The following SEMA4C variants were observed in gnomAD, a reference collection of about 807,000 sequenced individuals.
SEMA4C encodes semaphorin-4C.
In SEMA4C, 19 loss-of-function variants were observed where a neutral mutation model predicts 89.0. The observed-to-expected ratio is 0.21, with a 90% CI of 0.15 to 0.31. The LOEUF (loss-of-function observed/expected upper bound fraction) is 0.31, where lower values mean the gene tolerates loss of function less well. Among genes scored for constraint, SEMA4C ranks in the 10% least tolerant of loss-of-function variants. The pLI is 1.00. For synonymous variants in SEMA4C, 428 were observed against 472.7 expected (o/e 0.91, Z 1.23); for missense variants, 811 against 1,107.0 (o/e 0.73, Z 3.79).
At chr2:96,863,576 C>T (rs2080001159) in intron 12 of SEMA4C, 106 bp downstream of exon 12, 2 of 1,304,354 alleles carry the variant, frequency 1.5e-6, no homozygotes, top group Admixed American at 3.7e-5. Flanking sequence ...GTGTTCCTAA[C>T]TCTGCACTGG....
At chr2:96,868,785 C>G (rs2080141244) in intron 1 of SEMA4C, 1 of 985,172 alleles carries the variant, frequency 1.0e-6, no homozygotes, top group South Asian at 4.7e-5. Flanking sequence ...CCTCCCGGGC[C>G]GCTGGCAACG....
rs375749407 is a variant in SEMA4C, at chr2:96,860,276, G to A, written c.*350C>T. 1.6e-4 allele frequency: 41 copies of A among 250,214 alleles called. 1 individual carries two copies. Among genetic ancestry groups the A allele is most frequent in the East Asian group, 7.1e-4 (9 of 12,678 alleles). The allele number at this position is 250,214 out of a possible 1,614,324, so 15.5% of individuals were successfully genotyped here. ...GAAACAGGAAGGCTATGCCACAAGC[G>A]CGCACGCGCGTGCACACACACATAC... is the stretch of plus-strand genomic sequence containing the variant. On this transcript the variant is annotated 3_prime_UTR_variant, in exon 15 of 15. Coordinates refer to ENST00000305476, the MANE Select transcript of SEMA4C (RefSeq NM_017789.5).
At position 96,867,894 on chromosome 2, in the gene SEMA4C, G is replaced by T. The variant is rs202229296; in HGVS notation, c.-8C>A. The T allele has an allele frequency of 6.2e-7, 1 of 1,613,446 alleles. No homozygotes were observed. Among genetic ancestry groups the T allele is most frequent in the Admixed American group, 1.7e-5 (1 of 60,014 alleles). Reference sequence around the variant, plus strand: ...AGCCCAGTGTGGGGCCATGGCGCACGCCCCGGCTCTGAGCTTCAGGCCAGC... The same window carrying T: ...AGCCCAGTGTGGGGCCATGGCGCACTCCCCGGCTCTGAGCTTCAGGCCAGC... On this transcript the variant is annotated 5_prime_UTR_variant, in exon 2 of 15. Transcript: ENST00000305476.
chr2:96,869,346 C>A, intron 1 of SEMA4C: 1 of 985,336 alleles, frequency 1.0e-6, no homozygotes, highest in Non-Finnish European at 1.2e-6. Context: ...CCTCGCCCAC[C>A]CCGAGCGGCC....
rs1369039336 is a variant in SEMA4C at position 96,864,126 on chromosome 2, C to T, written c.1130G>A (p.Arg377His). The T allele has an allele frequency of 5.0e-6, 8 of 1,612,160 alleles. No homozygotes were observed. Among genetic ancestry groups the T allele is most frequent in the African/African-American group, 4.0e-5 (3 of 74,686 alleles). ...CTCCAGGGAGCTGGTGTAGCCGTGG[C>T]GCCGATGCCAGTTGTTAATGCACTG... is the stretch of plus-strand genomic sequence containing the variant. ...PGSCINNWHRRHGYTSSLELP... is the reference protein window; with the variant it reads ...PGSCINNWHRHHGYTSSLELP... The change falls in exon 11 of 15, where the codon CGC becomes CAC. Residue 377 changes from arginine (R) to histidine (H), a missense_variant. Coordinates refer to ENST00000305476, the MANE Select transcript of SEMA4C (RefSeq NM_017789.5). The surrounding 1 kb of genome is among the most constrained non-coding windows in gnomAD (Gnocchi z 6.3).
chr2:96,868,006 T>TG, intron 1 of SEMA4C, 83 bp from the exon 2 acceptor site: 1 of 1,536,054 alleles, frequency 6.5e-7, no homozygotes, highest in African/African-American at 1.4e-5. Context: ...GCCACAGGAC[T>TG]CCTCATCAGG....
At position 96,859,753 on chromosome 2, in the gene SEMA4C, TTTTA is replaced by T. The variant is rs2079899798; in HGVS notation, c.*869_*872del. The T allele has an allele frequency of 6.6e-6, 1 of 152,236 alleles. No individual in the cohort carries two copies. Among genetic ancestry groups the T allele is most frequent in the Admixed American group, 6.5e-5 (1 of 15,290 alleles). 9.4% of individuals were successfully genotyped at this position (152,236 alleles called of 1,614,324 possible). On this transcript the variant is annotated 3_prime_UTR_variant, in exon 15 of 15. Coordinates refer to ENST00000305476, the MANE Select transcript of SEMA4C (RefSeq NM_017789.5). Reference sequence around the variant, plus strand: ...CAGAGCAATCGTTTCATTTTCTCCATTTTATTTGTCAATATAAAAATACTCAAAT... The same window carrying T: ...CAGAGCAATCGTTTCATTTTCTCCATTTTGTCAATATAAAAATACTCAAAT...
At chr2:96,870,506 T>TG, upstream of SEMA4C, 1 of 979,206 alleles carries the variant, frequency 1.0e-6, no homozygotes, top group African/African-American at 1.7e-5. Context: ...GGAGGCACGC[T>TG]GGGGGAACCG....
chr2:96,870,426 G>A (rs1310778861), upstream of SEMA4C: 2 of 888,004 alleles, frequency 2.3e-6, no homozygotes, highest in Non-Finnish European at 2.7e-6. Flanking sequence ...GCTGGGCTGG[G>A]GAGAGGGACT....
Position 96,861,756 on chromosome 2 carries a change from C to T in SEMA4C, c.1582G>A (p.Ala528Thr). 6.2e-7 allele frequency: 1 copy of T among 1,613,648 alleles called. No homozygotes were observed. Among genetic ancestry groups the T allele is most frequent in the Non-Finnish European group, 8.5e-7 (1 of 1,179,984 alleles). ...ACTCACCCAGAGTGGCCACCCACGGCCACACAGCGGCTGGTGTTGACGCTC... is the reference window on the plus strand; with the variant it reads ...ACTCACCCAGAGTGGCCACCCACGGTCACACAGCGGCTGGTGTTGACGCTC... ...AWSVNTSRCV[A>T]VGGHSGSLLI... is the part of the protein sequence containing the mutation. Residue 528 changes from alanine to threonine, a missense_variant, in exon 13 of 15, where the codon GCC (alanine) becomes ACC (threonine). Physicochemically the swap from Ala to Thr is moderately conservative, Grantham distance 58. Around this residue, in one of 4 missense-constraint regions of SEMA4C, gnomAD observed 441 missense variants for 664.9 expected, o/e 0.66. Coordinates refer to ENST00000305476, the MANE Select transcript of SEMA4C (RefSeq NM_017789.5). This position sits in a 1 kb window ranked among gnomAD's most constrained non-coding sequence, Gnocchi z 7.8.
chr2:96,864,530 G>A lies in SEMA4C; in HGVS notation c.963-148C>T. 7.2e-7 allele frequency: 1 copy of A among 1,385,248 alleles called. No individual in the cohort carries two copies. The highest frequency in any genetic ancestry group is 9.8e-7 in the Non-Finnish European group (1 of 1,016,736). The allele number at this position is 1,385,248 out of a possible 1,614,324, so 85.8% of individuals were successfully genotyped here. A position where few individuals can be genotyped will look rare whatever the true frequency, so the allele number is the denominator to read the frequency against. On this transcript the variant is annotated intron_variant, in intron 9 of 14. Coordinates refer to ENST00000305476, the MANE Select transcript of SEMA4C (RefSeq NM_017789.5). The surrounding 1 kb of genome is among the most constrained non-coding windows in gnomAD (Gnocchi z 6.3). ...GCAGCTCAAGTGCCACCTGGCATGG[G>A]GCCCTGCCCCTTCACAGGCAGCTCT...
At position 96,870,059 on chromosome 2, in the gene SEMA4C, G is replaced by A. The variant is rs1325840047; in HGVS notation, c.-221C>T. ...AGGCTCGGGCTCCCCGCGCCACCAC[G>A]GCGGGCGCCGGCTCTTTCTCCAGCG... On this transcript the variant is annotated 5_prime_UTR_variant, in exon 1 of 15. Transcript: ENST00000305476. 2 of 977,344 alleles carry A rather than the reference G, an allele frequency of 2.0e-6. No homozygotes were observed. Among genetic ancestry groups the A allele is most frequent in the Non-Finnish European group, 2.4e-6 (2 of 822,650 alleles). The allele number at this position is 977,344 out of a possible 1,614,324, so 60.5% of individuals were successfully genotyped here.
Position 96,860,481 on chromosome 2 carries a change from C to G in SEMA4C, c.*145G>C, listed in dbSNP as rs975791555. ...GTGGCAGTGCCCGTGCTGAGCAGAG[C>G]AGGTCCTCATGGCCGGGTGGGTGCT... is the stretch of plus-strand genomic sequence containing the variant. On this transcript the variant is annotated 3_prime_UTR_variant, in exon 15 of 15. Transcript: ENST00000305476. The G allele has an allele frequency of 1.4e-6, 1 of 712,220 alleles. No individual in the cohort carries two copies. Among genetic ancestry groups the G allele is most frequent in the African/African-American group, 1.8e-5 (1 of 56,106 alleles). The allele number at this position is 712,220 out of a possible 1,614,324, so 44.1% of individuals were successfully genotyped here. A position where few individuals can be genotyped will look rare whatever the true frequency, so the allele number is the denominator to read the frequency against.
Position 96,861,179 on chromosome 2 carries a change from G to A in SEMA4C, c.1949C>T (p.Ser650Leu), listed in dbSNP as rs766585970. 5.0e-6 allele frequency: 8 copies of A among 1,609,660 alleles called. No homozygotes were observed. The highest frequency in any genetic ancestry group is 1.7e-5 in the Admixed American group (1 of 60,006). The change falls in exon 15 of 15, where the codon TCG becomes TTG. Residue 650 changes from serine to leucine, a missense_variant. This residue lies in a region of SEMA4C where 248 missense variants were observed against 269.0 expected (regional missense o/e 0.92). Coordinates refer to ENST00000305476, the MANE Select transcript of SEMA4C (RefSeq NM_017789.5). The surrounding 1 kb of genome is among the most constrained non-coding windows in gnomAD (Gnocchi z 7.8). Reference sequence around the variant, plus strand: ...GGGGGCCCGGGCCTCCAAGGTCACCGACGGGCCTGCCACGACAGCCACAAG... The same window carrying A: ...GGGGGCCCGGGCCTCCAAGGTCACCAACGGGCCTGCCACGACAGCCACAAG... ...GYLVAVVAGP[S>L]VTLEARAPLE...
chr2:96,864,575 AT>A lies in SEMA4C; in HGVS notation c.962+129del. The stretch of plus-strand genomic sequence containing the variant: ...AGCTCTGAAAGGGGCAGGTGCCAGC[AT>A]TCTCCTTGGCTTCTGGACACCTGGC... On this transcript the variant is annotated intron_variant, in intron 9 of 14. Coordinates refer to ENST00000305476, the MANE Select transcript of SEMA4C (RefSeq NM_017789.5). This position sits in a 1 kb window ranked among gnomAD's most constrained non-coding sequence, Gnocchi z 6.3. 7.3e-7 allele frequency: 1 copy of A among 1,366,242 alleles called. No individual in the cohort carries two copies. Among genetic ancestry groups the A allele is most frequent in the Non-Finnish European group, 1.0e-6 (1 of 1,000,958 alleles). The allele number at this position is 1,366,242 out of a possible 1,614,324, so 84.6% of individuals were successfully genotyped here.
chr2:96,860,383 C>T lies in SEMA4C; in HGVS notation c.*243G>A, dbSNP rs1001746850. The stretch of plus-strand genomic sequence containing the variant: ...CTTGAAAAGTTTTGGCGGCTGGGGT[C>T]CCGCGTGTCTGTGATTCACAGAGAG... On this transcript the variant is annotated 3_prime_UTR_variant, in exon 15 of 15. Transcript: ENST00000305476. The T allele has an allele frequency of 1.2e-5, 6 of 512,368 alleles. No individual in the cohort carries two copies. Among genetic ancestry groups the T allele is most frequent in the African/African-American group, 1.9e-5 (1 of 51,980 alleles). 31.7% of individuals were successfully genotyped at this position (512,368 alleles called of 1,614,324 possible).
chr2:96,863,835 A>G, intron 11 of SEMA4C, 41 bp from the exon 12 acceptor site: 1 of 1,606,936 alleles, frequency 6.2e-7, no homozygotes, highest in Non-Finnish European at 8.5e-7. Context: ...AGAGGGCACA[A>G]GGCCGTGGGG....
chr2:96,869,456 C>A (rs2080158703), intron 1 of SEMA4C: 2 of 985,064 alleles, frequency 2.0e-6, no homozygotes, highest in African/African-American at 3.5e-5. Context: ...CAACCCGCCT[C>A]CCCAGCGGAA....
At chr2:96,862,158 G>C (rs1427763567) in intron 12 of SEMA4C, 1 of 484,504 alleles carries the variant, frequency 2.1e-6, no homozygotes, top group Non-Finnish European at 3.7e-6. Context: ...GGATGATGGG[G>C]CTGTGAGGCC....
Sources: allele counts gnomAD v4.1 joint callset, GRCh38; gene constraint gnomAD v4.1.1; regional missense constraint gnomAD v4.1.1; non-coding constraint Gnocchi (gnomAD v3.1); transcripts MANE v1.5; gene names NCBI Gene and HGNC (gene_info 2026-07-23, HGNC 2026-07-21).